The following PLXDC2 variants were observed in gnomAD, a reference collection of about 807,000 sequenced individuals.
PLXDC2 encodes plexin domain containing 2, also known as plexin domain-containing protein 2.
A neutral mutation model predicts 68.9 loss-of-function variants in PLXDC2; 40 were observed. The observed-to-expected ratio is 0.58, with a 90% confidence interval of 0.45 to 0.76. The LOEUF (loss-of-function observed/expected upper bound fraction) is 0.76, where lower values mean the gene tolerates loss of function less well. Ranked by LOEUF, PLXDC2 falls within the 30% of genes least tolerant of loss-of-function variation. The pLI is 0.00. For missense variants in PLXDC2, 644 were observed against 661.9 expected, an observed-to-expected ratio of 0.97 and a Z score of 0.30; for synonymous variants, 243 against 234.2, an observed-to-expected ratio of 1.04 and a Z score of -0.34.
intron 1 of PLXDC2, among the ~76,000 whole-genome samples, chr10:19,864,335 G>T (rs1016445833): frequency 6.6e-6 from 1 of 152,030 alleles, no homozygotes; most frequent in Non-Finnish European, 1.5e-5. Context: ...AAGAAAGAAT[G>T]ATTTCAGCTG....
chr10:20,074,596 A>G (rs1397897105), intron 4 of PLXDC2, among the ~76,000 whole-genome samples: 1 of 152,162 alleles, frequency 6.6e-6, no homozygotes, highest in Non-Finnish European at 1.5e-5. Flanking sequence ...CAGGAAATAT[A>G]TTACCAAATC....
chr10:19,943,848 A>G (rs181034102), intron 1 of PLXDC2, among the ~76,000 whole-genome samples: 2 of 152,314 alleles, frequency 1.3e-5, no homozygotes, highest in East Asian at 3.9e-4. Context: ...ATGAGCAGGT[A>G]ATAATAAAGG....
At chr10:19,852,387 C>T (rs1837134217) in intron 1 of PLXDC2, among the ~76,000 whole-genome samples, 1 of 126,608 alleles carries the variant, frequency 7.9e-6, no homozygotes, top group Non-Finnish European at 1.6e-5. Context: ...CATTGCATCA[C>T]TGCACTCCAG....
At position 20,238,476 on chromosome 10, in the gene PLXDC2, G is replaced by A. The variant is rs1376711547; in HGVS notation, c.1313-6869G>A. On this transcript the variant is annotated intron_variant, in intron 12 of 13. Coordinates refer to ENST00000377252, the MANE Select transcript of PLXDC2 (RefSeq NM_032812.9). ...AGCCTGGCCAACAGGGTGAAACCCC[G>A]TCTCTACTAAAAACACAAAAATTAG... 6.0e-5 allele frequency among the ~76,000 whole-genome samples: 9 copies of A among 149,858 alleles called. No homozygotes were observed. The East Asian group carries it at 1.4e-3, about 23-fold the overall frequency.
At position 20,279,994 on chromosome 10, in the gene PLXDC2, A is replaced by G. The variant is rs567801896; in HGVS notation, c.*175A>G. On this transcript the variant is annotated 3_prime_UTR_variant, in exon 14 of 14. Transcript: ENST00000377252. ...GCCCAGGAAACAAAGGGTAAACAAA[A>G]AACTAAAACTTATACAAGATACCAT... The G allele has an allele frequency of 1.7e-6, 1 of 581,044 alleles. No homozygotes were observed. The allele number at this position is 581,044 out of a possible 1,614,324, so 36.0% of individuals were successfully genotyped here.
intron 5 of PLXDC2, among the ~76,000 whole-genome samples, chr10:20,146,032 A>G (rs1432570450): frequency 6.6e-6 from 1 of 152,206 alleles, no homozygotes; most frequent in Non-Finnish European, 1.5e-5. Context: ...TCCCCATGTT[A>G]TAGGAAAGGA....
At chr10:19,891,711 C>A (rs942752292) in intron 1 of PLXDC2, among the ~76,000 whole-genome samples, 4 of 152,214 alleles carry the variant, frequency 2.6e-5, no homozygotes, top group Non-Finnish European at 4.4e-5. Context: ...ATTGAGGAAA[C>A]TTCTCTTTCG....
At chr10:19,859,753 A>T (rs1837285226) in intron 1 of PLXDC2, among the ~76,000 whole-genome samples, 1 of 152,096 alleles carries the variant, frequency 6.6e-6, no homozygotes, top group Non-Finnish European at 1.5e-5. Flanking sequence ...TTTATTTGAG[A>T]TGGAGTCTCT....
At chr10:20,198,992 T>G (rs1834881583) in intron 9 of PLXDC2, among the ~76,000 whole-genome samples, 2 of 152,108 alleles carry the variant, frequency 1.3e-5, no homozygotes, top group South Asian at 4.1e-4. Flanking sequence ...TGAGGTTAGC[T>G]GTAGATTATT....
intron 2 of PLXDC2, among the ~76,000 whole-genome samples, chr10:20,011,483 T>C (rs374027133): frequency 6.6e-6 from 1 of 152,164 alleles, no homozygotes; most frequent in African/African-American, 2.4e-5. Context: ...AGCGCCTAGA[T>C]TGGAGTTACC....
chr10:20,135,906 A>G (rs1366860452), intron 4 of PLXDC2, among the ~76,000 whole-genome samples: 3 of 152,212 alleles, frequency 2.0e-5, no homozygotes, highest in African/African-American at 7.2e-5. Flanking sequence ...GCTGGTTACA[A>G]GTATAAATAT....
intron 9 of PLXDC2, among the ~76,000 whole-genome samples, chr10:20,193,091 A>G (rs1161611671): frequency 6.6e-6 from 1 of 152,040 alleles, no homozygotes; most frequent in Admixed American, 6.6e-5. Flanking sequence ...GACATCCTCC[A>G]GTCATCCCTG....
At chr10:19,984,380 A>G (rs1482747874) in intron 1 of PLXDC2, among the ~76,000 whole-genome samples, 2 of 152,188 alleles carry the variant, frequency 1.3e-5, no homozygotes, top group Admixed American at 1.3e-4. Flanking sequence ...CTGAGATGTG[A>G]GACATTGTGT....
At chr10:19,968,683 G>C (rs1195470116) in intron 1 of PLXDC2, among the ~76,000 whole-genome samples, 2 of 152,164 alleles carry the variant, frequency 1.3e-5, no homozygotes, top group Non-Finnish European at 2.9e-5. Context: ...GTGCAGGGTT[G>C]TGATATTTGA....
At chr10:19,977,931 A>C (rs759501882) in intron 1 of PLXDC2, among the ~76,000 whole-genome samples, 16 of 152,078 alleles carry the variant, frequency 1.1e-4, no homozygotes, top group Non-Finnish European at 2.1e-4. Context: ...AGTTAATAGC[A>C]CCTGGTGTCT....
intron 1 of PLXDC2, among the ~76,000 whole-genome samples, chr10:19,965,832 C>A (rs973777073): frequency 1.3e-5 from 2 of 151,978 alleles, no homozygotes; most frequent in Non-Finnish European, 2.9e-5. Context: ...TAACACTGGG[C>A]TTGTATGCCC....
At chr10:20,183,248 CA>C (rs1834632065) in intron 9 of PLXDC2, among the ~76,000 whole-genome samples, 1 of 151,810 alleles carries the variant, frequency 6.6e-6, no homozygotes, top group South Asian at 2.1e-4. Flanking sequence ...GAATCATTAT[CA>C]TATAGATAGT....
chr10:20,165,140 T>A (rs1310131239), intron 7 of PLXDC2, among the ~76,000 whole-genome samples: 1 of 152,188 alleles, frequency 6.6e-6, no homozygotes, highest in East Asian at 1.9e-4. Flanking sequence ...TTGGGATAGT[T>A]GGCAGATACA....
At chr10:20,042,253 C>T (rs1835696010) in intron 2 of PLXDC2, among the ~76,000 whole-genome samples, 1 of 152,068 alleles carries the variant, frequency 6.6e-6, no homozygotes. Context: ...GTTTCTTATA[C>T]CAGCATGTTT....
Sources: allele counts gnomAD v4.1 joint callset (sites outside exome capture counted in the v4.1 genomes callset), GRCh38; gene constraint gnomAD v4.1.1; transcripts MANE v1.5; gene names NCBI Gene and HGNC (gene_info 2026-07-23, HGNC 2026-07-21).